The following GRM6 variants were observed in gnomAD, a reference collection of about 807,000 sequenced individuals.
GRM6 encodes metabotropic glutamate receptor 6.
Under a neutral mutation model 78.4 loss-of-function variants are expected in GRM6, and 73 were observed. That is an observed-to-expected ratio of 0.93 (90% CI 0.77 to 1.13). GRM6 has a LOEUF of 1.13. Among genes scored for constraint, GRM6 ranks in the 50% most tolerant of loss-of-function variants. GRM6 has a pLI of 0.00. For missense variants in GRM6, 1,251 were observed against 1,256.4 expected (o/e 1.00, Z 0.07); for synonymous variants, 580 against 555.0 (o/e 1.05, Z -0.63).
At chr5:178,987,490 C>T (rs764529547) in intron 7 of GRM6, 3 of 455,288 alleles carry the variant, frequency 6.6e-6, no homozygotes, top group East Asian at 7.0e-5. Flanking sequence ...AAAAGGAAGG[C>T]AGTTCTGACC....
chr5:178,979,775 C>T lies in GRM6; in HGVS notation c.*1882G>A, dbSNP rs1760354465. 1 of 152,442 alleles carries T rather than the reference C, an allele frequency of 6.6e-6. No homozygotes were observed. Among genetic ancestry groups the T allele is most frequent in the South Asian group, 2.1e-4 (1 of 4,832 alleles). The allele number at this position is 152,442 out of a possible 1,614,324, so 9.4% of individuals were successfully genotyped here. On this transcript the variant is annotated 3_prime_UTR_variant, in exon 11 of 11. Coordinates refer to ENST00000517717, the MANE Select transcript of GRM6 (RefSeq NM_000843.4). ...ACCAAAGAATTCACACTGGGAGAGA[C>T]ATGAGAAAACAGCAAATGCAGGAAA...
chr5:178,990,774 A>G (rs1350379045), intron 4 of GRM6, 28 bp from the exon 5 acceptor site: 1 of 1,542,032 alleles, frequency 6.5e-7, no homozygotes. Context: ...GGGGTGAGGG[A>G]GGGCCTGGGA....
rs567038801 is a variant in GRM6 at position 178,988,352 on chromosome 5, G to A, written c.1354+583C>T. On this transcript the variant is annotated intron_variant, in intron 7 of 10. Transcript: ENST00000517717. The surrounding 1 kb of genome is among the most constrained non-coding windows in gnomAD (Gnocchi z 6.0). ...GGCGGAGAGAAGGTGGTGAGTGAGTGTTCAGTGGAAGAGCGGAGTTTTGAA... is the reference window on the plus strand; with the variant it reads ...GGCGGAGAGAAGGTGGTGAGTGAGTATTCAGTGGAAGAGCGGAGTTTTGAA... Among the ~76,000 whole-genome samples the A allele has an allele frequency of 1.9e-3, 282 of 152,324 alleles. No homozygotes were observed. The highest frequency in any genetic ancestry group is 6.4e-3 in the African/African-American group (265 of 41,578).
rs1760362112 is a variant in GRM6, at chr5:178,980,105, GA to G, written c.*1551del. On this transcript the variant is annotated 3_prime_UTR_variant, in exon 11 of 11. Transcript: ENST00000517717. The surrounding 1 kb of genome is among the most constrained non-coding windows in gnomAD (Gnocchi z 4.3). ...TTAAGTTAATTACTTAAAACCTGCA[GA>G]AGCACCTAGTCCCACGGTCAAAACC... is the stretch of plus-strand genomic sequence containing the variant. The G allele has an allele frequency of 6.5e-6, 1 of 154,348 alleles. No homozygotes were observed. Among genetic ancestry groups the G allele is most frequent in the Non-Finnish European group, 1.5e-5 (1 of 68,216 alleles). The allele number at this position is 154,348 out of a possible 1,614,324, so 9.6% of individuals were successfully genotyped here.
Position 178,994,931 on chromosome 5 carries a change from C to A in GRM6, c.14G>T (p.Arg5Leu). ...CACGAGCAGCGGCTCCCGGGCTCTC[C>A]GGGGCCGCGCCATCGGCTCGTCTAG... is the stretch of plus-strand genomic sequence containing the variant. MARP[R>L]RAREPLLVAL... Residue 5 changes from arginine to leucine, a missense_variant, in exon 2 of 11, where the codon CGG (arginine) becomes CTG (leucine). Physicochemically the swap from Arg to Leu is moderately radical, Grantham distance 102 (BLOSUM62 -2). Coordinates refer to ENST00000517717, the MANE Select transcript of GRM6 (RefSeq NM_000843.4). 8.4e-7 allele frequency: 1 copy of A among 1,183,594 alleles called. No homozygotes were observed. The highest frequency in any genetic ancestry group is 3.8e-5 in the South Asian group (1 of 26,206). 73.3% of individuals were successfully genotyped at this position (1,183,594 alleles called of 1,614,324 possible).
In GRM6 at chr5:178,982,943, G is replaced by T; in HGVS notation, c.2403C>A (p.Pro801=). Residue 801 remains proline, a synonymous_variant, in exon 10 of 11, where the codon CCC becomes CCA. Transcript: ENST00000517717. ...TTCIIWLAFV[P]IFFGTAQSAE... ...CTGACTGGGCAGTGCCAAAGAAGAT[G>T]GGCACGAATGCCAGCCAGATGATGC... 1 of 1,614,076 alleles carries T rather than the reference G, an allele frequency of 6.2e-7. No individual in the cohort carries two copies.
Position 178,989,418 on chromosome 5 carries a change from A to G in GRM6, c.1013-13T>C. 1 of 1,613,932 alleles carries G rather than the reference A, an allele frequency of 6.2e-7. No homozygotes were observed. The highest frequency in any genetic ancestry group is 1.3e-5 in the African/African-American group (1 of 75,010). On this transcript the variant is annotated splice_polypyrimidine_tract_variant and intron_variant, in intron 5 of 10. Coordinates refer to ENST00000517717, the MANE Select transcript of GRM6 (RefSeq NM_000843.4). ...TACTGGTCAAATCCTACAGACAGGG[A>G]AGAAGGGGGAGGGTGGCGCTGACCT...
At chr5:178,994,408 G>A in intron 2 of GRM6, 33 bp downstream of exon 2, 2 of 1,477,656 alleles carry the variant, frequency 1.4e-6, no homozygotes, top group Non-Finnish European at 1.8e-6. Context: ...GGAGAGGGAC[G>A]CTGGACACCG....
chr5:178,987,621 G>A, intron 7 of GRM6: 1 of 368,064 alleles, frequency 2.7e-6, no homozygotes, highest in South Asian at 2.0e-5. Flanking sequence ...TTCATAGAGA[G>A]GGGCCGTGGA....
rs754475767 is a variant in GRM6 at position 178,981,828 on chromosome 5, G to A, written c.2463C>T (p.Thr821=). ...EKIYIQTTTL[T]VSLSLSASVS... ...CCGAGGCACTCAGGCTCAAGGACAC[G>A]GTTAGCGTGGTTGTCTGGATGTAGA... is the stretch of plus-strand genomic sequence containing the variant. The change falls in exon 11 of 11, where the codon ACC becomes ACT. Residue 821 remains threonine (T), a synonymous_variant. Coordinates refer to ENST00000517717, the MANE Select transcript of GRM6 (RefSeq NM_000843.4). The surrounding 1 kb of genome is among the most constrained non-coding windows in gnomAD (Gnocchi z 5.1). 7.4e-6 allele frequency: 12 copies of A among 1,612,246 alleles called. No individual in the cohort carries two copies. The highest frequency in any genetic ancestry group is 3.3e-5 in the Admixed American group (2 of 60,002).
chr5:178,993,643 A>G (rs577021519), intron 2 of GRM6, among the ~76,000 whole-genome samples: 1 of 152,162 alleles, frequency 6.6e-6, no homozygotes, highest in Non-Finnish European at 1.5e-5. Context: ...CTCCCGCCAC[A>G]GAACCCCAGA....
chr5:178,981,939 G>A lies in GRM6; in HGVS notation c.2437-85C>T. ...CACAGTCCTCACCACATACTCTGGAGCTGAGTCTGTTTCAGTTGGGGAACT... is the reference window on the plus strand; with the variant it reads ...CACAGTCCTCACCACATACTCTGGAACTGAGTCTGTTTCAGTTGGGGAACT... On this transcript the variant is annotated intron_variant, in intron 10 of 10. Transcript: ENST00000517717. The surrounding 1 kb of genome is among the most constrained non-coding windows in gnomAD (Gnocchi z 5.1). The A allele has an allele frequency of 1.1e-6, 1 of 907,374 alleles. No homozygotes were observed. The highest frequency in any genetic ancestry group is 1.9e-6 in the Non-Finnish European group (1 of 538,174). 56.2% of individuals were successfully genotyped at this position (907,374 alleles called of 1,614,324 possible).
Position 178,994,494 on chromosome 5 carries a change from C to T in GRM6, c.451G>A (p.Ala151Thr), listed in dbSNP as rs1301398590. ...ATGATGGAGACGGAGCTGGCCGAGG[C>T]GCCCACGACGGCCACGACGCGCTCG... ...PPERVVAVVG[A>T]SASSVSIMVA... The change falls in exon 2 of 11, where the codon GCC becomes ACC. Residue 151 changes from alanine to threonine, a missense_variant. Transcript: ENST00000517717. The T allele has an allele frequency of 6.9e-7, 1 of 1,447,626 alleles. No individual in the cohort carries two copies. Among genetic ancestry groups the T allele is most frequent in the Non-Finnish European group, 9.1e-7 (1 of 1,104,494 alleles). The allele number at this position is 1,447,626 out of a possible 1,614,324, so 89.7% of individuals were successfully genotyped here. A position where few individuals can be genotyped will look rare whatever the true frequency, so the allele number is the denominator to read the frequency against.
chr5:178,988,582 A>G lies in GRM6; in HGVS notation c.1354+353T>C, dbSNP rs540862415. 1.1e-4 allele frequency among the ~76,000 whole-genome samples: 16 copies of G among 152,282 alleles called. No homozygotes were observed. The highest frequency in any genetic ancestry group is 8.5e-4 in the Admixed American group (13 of 15,300). On this transcript the variant is annotated intron_variant, in intron 7 of 10. Transcript: ENST00000517717. The surrounding 1 kb of genome is among the most constrained non-coding windows in gnomAD (Gnocchi z 6.0). ...ATGTCCCTGGGTAGGCGCCCCACGC[A>G]GTCTTAACTGTGCCCCACGTGCACC...
rs368564120 is a variant in GRM6, at chr5:178,995,047, C to G, written c.-16-87G>C. On this transcript the variant is annotated intron_variant, in intron 1 of 10. Transcript: ENST00000517717. ...GGGCGCGGGGAGGGACACCGGGGTC[C>G]TGGGGAGAAGGCGCTCGGGGCGCGC... 12 of 760,028 alleles carry G rather than the reference C, an allele frequency of 1.6e-5. No individual in the cohort carries two copies. In the East Asian group the frequency reaches 6.2e-4, roughly 39 times the overall value. 47.1% of individuals were successfully genotyped at this position (760,028 alleles called of 1,614,324 possible).
rs1374189751 is a variant in GRM6 at position 178,988,949 on chromosome 5, G to A, written c.1340C>T (p.Ala447Val). The change falls in exon 7 of 11, where the codon GCT becomes GTT. Residue 447 changes from alanine (A) to valine (V), a missense_variant. Transcript: ENST00000517717. This position sits in a 1 kb window ranked among gnomAD's most constrained non-coding sequence, Gnocchi z 6.0. ...DGRMLLQYIR[A>V]VRFNGSAGTP... ...CACCCACTCACCATTGAAGCGGACA[G>A]CTCGAATGTACTGCAGAAGCATCCG... The A allele has an allele frequency of 6.2e-7, 1 of 1,612,926 alleles. No individual in the cohort carries two copies. Among genetic ancestry groups the A allele is most frequent in the African/African-American group, 1.3e-5 (1 of 74,898 alleles).
rs1490677243 is a variant in GRM6 at position 178,986,754 on chromosome 5, C to G, written c.1501-1G>C. ...CGCCAGACCACTGCAGGGCCTCCACCTGGGACGCACAAAACACAGGCTGGG... is the reference window on the plus strand; with the variant it reads ...CGCCAGACCACTGCAGGGCCTCCACGTGGGACGCACAAAACACAGGCTGGG... On this transcript the variant is annotated splice_acceptor_variant, in intron 8 of 10. Transcript: ENST00000517717. LOFTEE classifies it high-confidence loss of function. The G allele has an allele frequency of 1.9e-6, 3 of 1,608,384 alleles. No homozygotes were observed. The highest frequency in any genetic ancestry group is 1.3e-5 in the African/African-American group (1 of 74,948).
At position 178,991,581 on chromosome 5, in the gene GRM6, G is replaced by T; in HGVS notation, c.722-22C>A. 1.2e-6 allele frequency: 2 copies of T among 1,613,330 alleles called. No individual in the cohort carries two copies. Among genetic ancestry groups the T allele is most frequent in the South Asian group, 1.1e-5 (1 of 91,064 alleles). ...CCCCCTGGGCGTTGGGGGTGCCAGA[G>T]TCAGCTTCCGTCCCACCCACCCACA... On this transcript the variant is annotated intron_variant, in intron 3 of 10. Transcript: ENST00000517717. The surrounding 1 kb of genome is among the most constrained non-coding windows in gnomAD (Gnocchi z 5.0).
In GRM6 at chr5:178,988,913, A is replaced by AG. The variant is rs761375589; in HGVS notation, c.1354+21dup. ...CCCCCCAGCTGTCCTTCACTGCTGC[A>AG]GGGGGGCAGGCACCCACTCACCATT... On this transcript the variant is annotated intron_variant, in intron 7 of 10. Coordinates refer to ENST00000517717, the MANE Select transcript of GRM6 (RefSeq NM_000843.4). The surrounding 1 kb of genome is among the most constrained non-coding windows in gnomAD (Gnocchi z 6.0). 3 of 1,588,784 alleles carry AG rather than the reference A, an allele frequency of 1.9e-6. No individual in the cohort carries two copies. Among genetic ancestry groups the AG allele is most frequent in the South Asian group, 1.1e-5 (1 of 90,232 alleles).
Sources: gnomAD v4.1 joint callset for allele counts (sites outside exome capture counted in the v4.1 genomes callset) on GRCh38, gnomAD v4.1.1 for gene constraint, Gnocchi (gnomAD v3.1) non-coding constraint, MANE v1.5 for transcripts, NCBI Gene and HGNC (gene_info 2026-07-23, HGNC 2026-07-21) for gene names.